Variants in ZNF117 observed in about 807,000 individuals in gnomAD.
The protein encoded by ZNF117 is Krueppel-related zinc finger protein.
ZNF117 carries 37 observed loss-of-function variants against 41.2 expected under a neutral mutation model. The ratio of observed to expected loss-of-function variants is 0.90; its 90% CI spans 0.69 to 1.18. The LOEUF (loss-of-function observed/expected upper bound fraction) is 1.18, where lower values mean the gene tolerates loss of function less well. ZNF117 is among the 50% of genes most tolerant of loss of function. The probability of loss-of-function intolerance (pLI) is 0.00; values close to 1 mark genes in which losing one functional copy is unlikely to be tolerated. For missense variants in ZNF117, 546 were observed against 557.5 expected (o/e 0.98, Z 0.21); for synonymous variants, 186 against 186.6 (o/e 1.00, Z 0.02).
chr7:64,982,011 A>G, exon 1 of ZNF117: 1 of 736,318 alleles, frequency 1.4e-6, no homozygotes, highest in Non-Finnish European at 2.4e-6. Flanking sequence ...AGGTTTCTGT[A>G]GTTCTCTCAC....
At chr7:64,977,529 A>T in exon 3 of ZNF117, 1 of 534,972 alleles carries the variant, frequency 1.9e-6, no homozygotes. Context: ...AAGAGTTGAC[A>T]CTTGGTTAAA....
intron 2 of ZNF117, chr7:64,981,062 T>C: frequency 3.6e-6 from 1 of 278,728 alleles, no homozygotes; most frequent in East Asian, 9.9e-5. Context: ...ACATAGAGTT[T>C]CTCAAAATTA....
exon 3 of ZNF117, chr7:64,978,197 T>A: frequency 1.9e-6 from 3 of 1,613,034 alleles, no homozygotes; most frequent in Non-Finnish European, 2.5e-6. Context: ...TAGTAAGTGT[T>A]GAAGATTGGT....
At chr7:64,988,183 G>A (rs1311231617) in intron 1 of ZNF117, among the ~76,000 whole-genome samples, 1 of 152,148 alleles carries the variant, frequency 6.6e-6, no homozygotes, top group Non-Finnish European at 1.5e-5. Flanking sequence ...TATCCTTGAT[G>A]ACCATTGATG....
intron 1 of ZNF117, 23 bp downstream of exon 1, chr7:64,989,924 T>C (rs901144626): frequency 1.6e-4 from 25 of 151,980 alleles, no homozygotes; most frequent in African/African-American, 5.5e-4. Context: ...ATACAAAAAT[T>C]AGCTGGGTTT....
rs1239281028 is a variant in ZNF117, at chr7:64,977,534, G to C, written c.*585C>G. ...TATGTATAGTAAGAGTTGACACTTGGTTAAAAGCTTTGCCACATTCTTCAC... is the reference window on the plus strand; with the variant it reads ...TATGTATAGTAAGAGTTGACACTTGCTTAAAAGCTTTGCCACATTCTTCAC... On this transcript the variant is annotated 3_prime_UTR_variant, in exon 3 of 3. Coordinates refer to ENST00000620222, the Ensembl canonical transcript of ZNF117. 7.3e-6 allele frequency: 4 copies of C among 549,042 alleles called. No homozygotes were observed. In the African/African-American group the frequency reaches 7.7e-5, roughly 11 times the overall value. The allele number at this position is 549,042 out of a possible 1,614,324, so 34.0% of individuals were successfully genotyped here. A position where few individuals can be genotyped will look rare whatever the true frequency, so the allele number is the denominator to read the frequency against.
exon 3 of ZNF117, chr7:64,977,642 A>C: frequency 1.3e-6 from 1 of 741,630 alleles, no homozygotes; most frequent in Non-Finnish European, 2.3e-6. Flanking sequence ...CACATTCTTC[A>C]CACTTGTAGG....
upstream of ZNF117, among the ~76,000 whole-genome samples, chr7:64,985,617 A>G (rs923575757): frequency 2.0e-5 from 3 of 152,244 alleles, no homozygotes. Flanking sequence ...CAAACAACAG[A>G]GAAAAAATAT....
chr7:64,978,355 T>C, exon 3 of ZNF117: 1 of 1,613,526 alleles, frequency 6.2e-7, no homozygotes, highest in Non-Finnish European at 8.5e-7. Flanking sequence ...TTCTTACATG[T>C]ACTAAGTTTT....
At chr7:64,972,123 T>A (rs897104619), downstream of ZNF117, 2 of 151,892 alleles carry the variant, frequency 1.3e-5, no homozygotes, top group Non-Finnish European at 2.9e-5. Flanking sequence ...AACCAGGAGA[T>A]TATCAACTCA....
downstream of ZNF117, chr7:64,973,163 G>A (rs188858048): frequency 2.0e-4 from 31 of 151,760 alleles, no homozygotes; most frequent in African/African-American, 5.3e-4. Context: ...AAAATTCCTC[G>A]GAATTGTAAT....
At chr7:64,981,340 G>A (rs749811706) in intron 2 of ZNF117, 47 bp downstream of exon 3, 1 of 1,606,110 alleles carries the variant, frequency 6.2e-7, no homozygotes, top group Non-Finnish European at 8.5e-7. Context: ...CTTCTCCTTG[G>A]CCTTTGACCT....
chr7:64,988,850 A>G lies in ZNF117; in HGVS notation c.-196+1097T>C, dbSNP rs573769310. Among the ~76,000 whole-genome samples, 6 of 152,316 alleles carry G rather than the reference A, an allele frequency of 3.9e-5. No individual in the cohort carries two copies. The South Asian group carries it at 1.2e-3, about 32-fold the overall frequency. On this transcript the variant is annotated intron_variant, in intron 1 of 3. Transcript: ENST00000282869. ...AAACACAATCCCCTTCACAACTGCC[A>G]CAAAAAGAATAAAACATCTAGAGAT...
At chr7:64,987,762 T>C (rs1248292478) in intron 1 of ZNF117, among the ~76,000 whole-genome samples, 1 of 149,140 alleles carries the variant, frequency 6.7e-6, no homozygotes, top group Non-Finnish European at 1.5e-5. Flanking sequence ...GGTGGGAGGA[T>C]AGCTTGAGCC....
chr7:64,975,935 CAGT>C (rs1199782150), exon 3 of ZNF117: 2 of 152,094 alleles, frequency 1.3e-5, no homozygotes, highest in East Asian at 1.9e-4. Context: ...GTTTTCTAAG[CAGT>C]AGTTTTTGAA....
chr7:64,981,899 T>G lies in ZNF117; in HGVS notation c.-63+85A>C, dbSNP rs147667278. 9.4e-4 allele frequency: 403 copies of G among 430,414 alleles called. 5 individuals carry two copies. In the East Asian group the frequency reaches 0.017, roughly 18 times the overall value. 26.7% of individuals were successfully genotyped at this position (430,414 alleles called of 1,614,324 possible). ...AAACAGGGATCTGAAACTCAATTTATGCAAAGCATAAATCACCAAAAACAT... is the reference window on the plus strand; with the variant it reads ...AAACAGGGATCTGAAACTCAATTTAGGCAAAGCATAAATCACCAAAAACAT... On this transcript the variant is annotated intron_variant, in intron 1 of 2. Transcript: ENST00000620222.
chr7:64,983,641 T>C (rs561976020), upstream of ZNF117, among the ~76,000 whole-genome samples: 4 of 152,060 alleles, frequency 2.6e-5, no homozygotes, highest in Admixed American at 6.6e-5. Flanking sequence ...TAAGATGAGA[T>C]TCTATGGACA....
At chr7:64,988,288 AG>A (rs1490133878) in intron 1 of ZNF117, among the ~76,000 whole-genome samples, 3 of 152,214 alleles carry the variant, frequency 2.0e-5, no homozygotes, top group Non-Finnish European at 4.4e-5. Flanking sequence ...CTGGGATATG[AG>A]GCTGGTTCAA....
exon 3 of ZNF117, chr7:64,978,809 G>C (rs752243867): frequency 6.2e-7 from 1 of 1,613,084 alleles, no homozygotes; most frequent in South Asian, 1.1e-5. Flanking sequence ...AAGCTTTGCC[G>C]CATTCTTCAC....
Sources: allele counts gnomAD v4.1 joint callset (sites outside exome capture counted in the v4.1 genomes callset), GRCh38; gene constraint gnomAD v4.1.1; transcripts MANE v1.5; gene names NCBI Gene and HGNC (gene_info 2026-07-23, HGNC 2026-07-21).